Variants in CACNA2D1 observed in about 807,000 individuals in gnomAD.
CACNA2D1 encodes calcium voltage-gated channel auxiliary subunit alpha2delta 1.
A neutral mutation model predicts 171.5 loss-of-function variants in CACNA2D1; 53 were observed. The observed-to-expected ratio is 0.31, with a 90% confidence interval of 0.25 to 0.39. The LOEUF is 0.39. CACNA2D1 is among the 10% of genes least tolerant of loss of function. The pLI is 1.00. For synonymous variants in CACNA2D1, 442 were observed against 443.1 expected (o/e 1.00, Z 0.03); for missense variants, 903 against 1,299.8 (o/e 0.69, Z 4.69).
At chr7:82,289,032 T>C (rs1346795523) in intron 3 of CACNA2D1, among the ~76,000 whole-genome samples, 2 of 152,188 alleles carry the variant, frequency 1.3e-5, no homozygotes, top group African/African-American at 4.8e-5. Flanking sequence ...CATGACCACA[T>C]AGTGCAAATA....
intron 1 of CACNA2D1, among the ~76,000 whole-genome samples, chr7:82,390,531 AG>A (rs2129450532): frequency 6.6e-6 from 1 of 152,350 alleles, no homozygotes; most frequent in East Asian, 1.9e-4. Flanking sequence ...AACATCAACA[AG>A]AAAAGTCAAT....
At chr7:82,235,572 T>C (rs1371192758) in intron 3 of CACNA2D1, among the ~76,000 whole-genome samples, 1 of 152,174 alleles carries the variant, frequency 6.6e-6, no homozygotes, top group East Asian at 1.9e-4. Context: ...ATAACAGTAA[T>C]AATAAATGCT....
chr7:81,974,573 G>A (rs370304552), intron 24 of CACNA2D1, 21 bp from the exon 25 acceptor site: 3 of 1,211,222 alleles, frequency 2.5e-6, no homozygotes, highest in South Asian at 1.2e-5. Context: ...AACATTTTGA[G>A]ATATTAGATA....
intron 10 of CACNA2D1, among the ~76,000 whole-genome samples, chr7:82,039,400 T>C (rs1367640517): frequency 6.6e-6 from 1 of 152,186 alleles, no homozygotes; most frequent in African/African-American, 2.4e-5. Flanking sequence ...GACATAATTA[T>C]CTGCACACAC....
intron 6 of CACNA2D1, among the ~76,000 whole-genome samples, chr7:82,107,272 A>G (rs1355900374): frequency 1.3e-5 from 2 of 152,178 alleles, no homozygotes; most frequent in African/African-American, 4.8e-5. Flanking sequence ...AAGTTTTCAC[A>G]TACAACAGAG....
intron 10 of CACNA2D1, among the ~76,000 whole-genome samples, chr7:82,044,293 T>C (rs1357520916): frequency 1.3e-5 from 2 of 152,172 alleles, no homozygotes; most frequent in Admixed American, 6.5e-5. Flanking sequence ...TTGTACATTG[T>C]TTAGTCCTAA....
intron 5 of CACNA2D1, among the ~76,000 whole-genome samples, chr7:82,131,452 G>A (rs999067151): frequency 6.6e-6 from 1 of 152,136 alleles, no homozygotes; most frequent in Non-Finnish European, 1.5e-5. Flanking sequence ...ATGTTGCTGG[G>A]TGGGGCTCTG....
Position 82,443,601 on chromosome 7 carries a change from C to CGG in CACNA2D1, c.-144_-143dup. ...CTGGCTGCGCCCGGGGCCCGAGGCG[C>CGG]GGAGCCGCGCGGGGGACGGCAAGGG... On this transcript the variant is annotated 5_prime_UTR_variant, in exon 1 of 39. Coordinates refer to ENST00000356860, the MANE Select transcript of CACNA2D1 (RefSeq NM_000722.4). 1 of 1,380,180 alleles carries CGG rather than the reference C, an allele frequency of 7.2e-7. No individual in the cohort carries two copies. Among genetic ancestry groups the CGG allele is most frequent in the South Asian group, 1.7e-5 (1 of 58,406 alleles). The allele number at this position is 1,380,180 out of a possible 1,614,324, so 85.5% of individuals were successfully genotyped here. A position where few individuals can be genotyped will look rare whatever the true frequency, so the allele number is the denominator to read the frequency against.
intron 1 of CACNA2D1, among the ~76,000 whole-genome samples, chr7:82,388,726 G>A (rs1824727413): frequency 6.6e-6 from 1 of 152,196 alleles, no homozygotes; most frequent in East Asian, 1.9e-4. Context: ...TAAGTTTACT[G>A]TAACAGCAGT....
At chr7:82,205,026 G>A (rs780342501) in intron 3 of CACNA2D1, among the ~76,000 whole-genome samples, 5 of 152,162 alleles carry the variant, frequency 3.3e-5, no homozygotes, top group Non-Finnish European at 5.9e-5. Context: ...TAACTACCCT[G>A]CTGACACTGT....
chr7:81,967,567 A>G (rs748338081), intron 30 of CACNA2D1, 29 bp downstream of exon 30: 1 of 1,188,276 alleles, frequency 8.4e-7, no homozygotes, highest in East Asian at 2.5e-5. Context: ...CATTAAACAT[A>G]GCATAAGAAT....
rs540696485 is a variant in CACNA2D1 at position 82,004,907 on chromosome 7, C to T, written c.1590+516G>A. ...AGATTAACTTGCTGATTAATAAATA[C>T]TTCCCATTTCTGAAGCCCATCACAT... is the stretch of plus-strand genomic sequence containing the variant. On this transcript the variant is annotated intron_variant, in intron 18 of 38. Coordinates refer to ENST00000356860, the MANE Select transcript of CACNA2D1 (RefSeq NM_000722.4). Among the ~76,000 whole-genome samples, 5 of 152,198 alleles carry T rather than the reference C, an allele frequency of 3.3e-5. No individual in the cohort carries two copies. In the East Asian group the frequency reaches 9.7e-4, roughly 29 times the overall value.
chr7:82,242,849 A>T (rs1406581725), intron 3 of CACNA2D1, among the ~76,000 whole-genome samples: 1 of 152,132 alleles, frequency 6.6e-6, no homozygotes, highest in African/African-American at 2.4e-5. Flanking sequence ...ACTTTGTAAG[A>T]GCAAGAAAAA....
chr7:81,985,196 C>CTTTTTTTTTTTTTTTTTT (rs774555240), intron 21 of CACNA2D1, among the ~76,000 whole-genome samples: 1 of 104,178 alleles, frequency 9.6e-6, no homozygotes, highest in African/African-American at 4.1e-5. Flanking sequence ...ATTATCATTA[C>CTTTTTTTTTTTTTTTTTT]TTTTTTTTTT....
At chr7:82,131,670 G>A (rs1425225899) in intron 5 of CACNA2D1, among the ~76,000 whole-genome samples, 1 of 152,262 alleles carries the variant, frequency 6.6e-6, no homozygotes, top group Admixed American at 6.5e-5. Flanking sequence ...AGACGTATGA[G>A]ATTGTAAAGT....
chr7:82,388,288 T>A (rs1219384711), intron 1 of CACNA2D1, among the ~76,000 whole-genome samples: 1 of 152,162 alleles, frequency 6.6e-6, no homozygotes, highest in East Asian at 1.9e-4. Context: ...TCATGGTTTA[T>A]TTTTATTTGG....
At chr7:81,969,400 A>C (rs1795039286) in intron 28 of CACNA2D1, among the ~76,000 whole-genome samples, 1 of 151,430 alleles carries the variant, frequency 6.6e-6, no homozygotes, top group South Asian at 2.1e-4. Context: ...ATTTAGGAAA[A>C]TGAAGGTAAA....
At chr7:82,223,280 C>A (rs1328597245) in intron 3 of CACNA2D1, among the ~76,000 whole-genome samples, 1 of 152,116 alleles carries the variant, frequency 6.6e-6, no homozygotes, top group Non-Finnish European at 1.5e-5. Context: ...TTTTGTACTT[C>A]CAAAGCATTG....
At position 82,111,934 on chromosome 7, in the gene CACNA2D1, T is replaced by C. The variant is rs1040893806; in HGVS notation, c.526+5110A>G. On this transcript the variant is annotated intron_variant, in intron 6 of 38. Coordinates refer to ENST00000356860, the MANE Select transcript of CACNA2D1 (RefSeq NM_000722.4). Reference sequence around the variant, plus strand: ...TCCATCAATAAATCAAAATATTTGTTAAATAAAATATGCCAAATACAGGTC... The same window carrying C: ...TCCATCAATAAATCAAAATATTTGTCAAATAAAATATGCCAAATACAGGTC... Among the ~76,000 whole-genome samples, 5 of 152,256 alleles carry C rather than the reference T, an allele frequency of 3.3e-5. No homozygotes were observed. The East Asian group carries it at 9.6e-4, about 29-fold the overall frequency.
Sources: gnomAD v4.1 joint callset for allele counts (sites outside exome capture counted in the v4.1 genomes callset) on GRCh38, gnomAD v4.1.1 for gene constraint, MANE v1.5 for transcripts, NCBI Gene and HGNC (gene_info 2026-07-23, HGNC 2026-07-21) for gene names.